Variants in ZYG11B observed in about 807,000 individuals in gnomAD.
ZYG11B encodes the protein protein zyg-11 homolog B.
ZYG11B carries 36 observed loss-of-function variants against 82.4 expected under a neutral mutation model. The ratio of observed to expected loss-of-function variants is 0.44; its 90% CI spans 0.33 to 0.58. The LOEUF is 0.58. Among genes scored for constraint, ZYG11B ranks in the 20% least tolerant of loss-of-function variants. The pLI, the probability that ZYG11B is intolerant of heterozygous loss-of-function variation, is 0.02. For missense variants in ZYG11B, 552 were observed against 895.6 expected (o/e 0.62, Z 4.90); for synonymous variants, 303 against 312.8 (o/e 0.97, Z 0.33).
rs950070339 is a variant in ZYG11B at position 52,824,972 on chromosome 1, A to G, written c.*3343A>G. ...GGTTGAACCACTCATTGTTCAAATCATTGGTGGGCTCCAATGTAAAATATC... is the reference window on the plus strand; with the variant it reads ...GGTTGAACCACTCATTGTTCAAATCGTTGGTGGGCTCCAATGTAAAATATC... On this transcript the variant is annotated 3_prime_UTR_variant, in exon 14 of 14. Transcript: ENST00000294353. 1.2e-4 allele frequency: 19 copies of G among 152,286 alleles called. No individual in the cohort carries two copies. Among genetic ancestry groups the G allele is most frequent in the African/African-American group, 4.6e-4 (19 of 41,566 alleles). The allele number at this position is 152,286 out of a possible 1,614,324, so 9.4% of individuals were successfully genotyped here.
At chr1:52,739,667 G>C (rs1360413968) in intron 1 of ZYG11B, among the ~76,000 whole-genome samples, 1 of 151,840 alleles carries the variant, frequency 6.6e-6, no homozygotes, top group African/African-American at 2.4e-5. Flanking sequence ...TGAAGCTCTG[G>C]CTGGAGTGCA....
At chr1:52,762,978 G>A (rs116724309) in intron 2 of ZYG11B, among the ~76,000 whole-genome samples, 2 of 114,370 alleles carry the variant, frequency 1.7e-5, no homozygotes, top group Non-Finnish European at 3.4e-5. Flanking sequence ...TGAGAGATTG[G>A]GGGGGGGGGG....
At chr1:52,759,359 AGTT>A (rs1644607250) in intron 2 of ZYG11B, among the ~76,000 whole-genome samples, 2 of 152,386 alleles carry the variant, frequency 1.3e-5, no homozygotes, top group Admixed American at 1.3e-4. Context: ...TAATAGTAGT[AGTT>A]AACATTTATT....
intron 8 of ZYG11B, among the ~76,000 whole-genome samples, chr1:52,797,609 C>T (rs935080287): frequency 2.8e-5 from 4 of 145,090 alleles, no homozygotes; most frequent in African/African-American, 7.7e-5. Flanking sequence ...CCCAGGTTCA[C>T]GCCATTCTCC....
chr1:52,746,210 C>G (rs374933270), intron 1 of ZYG11B, among the ~76,000 whole-genome samples: 9 of 152,210 alleles, frequency 5.9e-5, no homozygotes, highest in African/African-American at 2.2e-4. Context: ...CCTTGGCCCC[C>G]CAAAACGTTG....
At chr1:52,761,006 ACCTG>A (rs145930674) in intron 2 of ZYG11B, among the ~76,000 whole-genome samples, 248 of 152,164 alleles carry the variant, frequency 1.6e-3, no homozygotes, top group African/African-American at 5.8e-3. Context: ...CAAATGATGC[ACCTG>A]CCTTGGTCTC....
intron 2 of ZYG11B, among the ~76,000 whole-genome samples, chr1:52,764,195 C>T (rs1255004009): frequency 6.6e-6 from 1 of 152,130 alleles, no homozygotes; most frequent in Admixed American, 6.5e-5. Flanking sequence ...ACTATCTCGG[C>T]TCACTGCAAC....
Position 52,821,700 on chromosome 1 carries a change from C to T in ZYG11B, c.*71C>T. 1 of 1,431,472 alleles carries T rather than the reference C, an allele frequency of 7.0e-7. No individual in the cohort carries two copies. Among genetic ancestry groups the T allele is most frequent in the Non-Finnish European group, 9.5e-7 (1 of 1,053,614 alleles). The allele number at this position is 1,431,472 out of a possible 1,614,324, so 88.7% of individuals were successfully genotyped here. ...ATTGGTCCATTTGGAATATCTTACC[C>T]TCCCTGATGTTTTGGGGGTTTCTAT... On this transcript the variant is annotated 3_prime_UTR_variant, in exon 14 of 14. Coordinates refer to ENST00000294353, the MANE Select transcript of ZYG11B (RefSeq NM_024646.3).
Position 52,790,054 on chromosome 1 carries a change from G to T in ZYG11B, c.1321G>T (p.Val441Phe). The change falls in exon 6 of 14, where the codon GTT becomes TTT. Residue 441 changes from valine to phenylalanine, a missense_variant. Coordinates refer to ENST00000294353, the MANE Select transcript of ZYG11B (RefSeq NM_024646.3). ...TTGCAGTGACCGGATCCTTCAAGAT[G>T]TTCCATTTAACAGGCAAGTGATAGC... The part of the protein sequence containing the change: ...SLCSDRILQD[V>F]PFNRFEAAKL... 2 of 1,592,600 alleles carry T rather than the reference G, an allele frequency of 1.3e-6. No homozygotes were observed. Among genetic ancestry groups the T allele is most frequent in the Non-Finnish European group, 1.7e-6 (2 of 1,167,494 alleles).
chr1:52,748,728 T>C (rs1487360265), intron 1 of ZYG11B, among the ~76,000 whole-genome samples: 4 of 151,740 alleles, frequency 2.6e-5, no homozygotes, highest in African/African-American at 9.7e-5. Context: ...CTGGGCGTGG[T>C]GCACGCGCCT....
At chr1:52,739,703 C>G (rs2149920631) in intron 1 of ZYG11B, among the ~76,000 whole-genome samples, 1 of 152,164 alleles carries the variant, frequency 6.6e-6, no homozygotes, top group South Asian at 2.1e-4. Flanking sequence ...CTCACTACCA[C>G]CTCTGCCTCC....
intron 12 of ZYG11B, among the ~76,000 whole-genome samples, chr1:52,814,925 A>G (rs990221296): frequency 6.6e-6 from 1 of 152,180 alleles, no homozygotes; most frequent in African/African-American, 2.4e-5. Context: ...TGGGAGGCTG[A>G]GGTGGGTGGA....
At chr1:52,728,414 G>A (rs1189376641) in intron 1 of ZYG11B, among the ~76,000 whole-genome samples, 2 of 152,120 alleles carry the variant, frequency 1.3e-5, no homozygotes, top group Non-Finnish European at 2.9e-5. Context: ...GGACTACCGT[G>A]CCCCGCTAAT....
intron 4 of ZYG11B, 112 bp downstream of exon 4, chr1:52,780,105 GTGAT>G (rs1399035630): frequency 8.8e-6 from 9 of 1,028,368 alleles, no homozygotes; most frequent in African/African-American, 3.3e-5. Flanking sequence ...TATTTATAAT[GTGAT>G]TGATGACGTG....
At chr1:52,777,625 A>G (rs1216071855) in intron 3 of ZYG11B, among the ~76,000 whole-genome samples, 9 of 152,014 alleles carry the variant, frequency 5.9e-5, no homozygotes, top group Non-Finnish European at 1.5e-5. Flanking sequence ...TTTCTTTTAT[A>G]GAGACAGGGT....
Position 52,795,294 on chromosome 1 carries a change from C to T in ZYG11B, c.1335-998C>T, listed in dbSNP as rs528110741. Among the ~76,000 whole-genome samples, 15 of 152,314 alleles carry T rather than the reference C, an allele frequency of 9.8e-5. No homozygotes were observed. The East Asian group carries it at 2.3e-3, about 23-fold the overall frequency. On this transcript the variant is annotated intron_variant, in intron 6 of 13. Coordinates refer to ENST00000294353, the MANE Select transcript of ZYG11B (RefSeq NM_024646.3). ...TCACCCATGTAGGATGTGCCAGTCT[C>T]GCCTTCCACCATGATTGCAAGTTTC...
chr1:52,823,022 A>G lies in ZYG11B; in HGVS notation c.*1393A>G, dbSNP rs1645294733. ...AAAATTATAGTGATTATTCAGAAGC[A>G]TTTTAATTTAGAAAGGAGCTGGTTT... On this transcript the variant is annotated 3_prime_UTR_variant, in exon 14 of 14. Coordinates refer to ENST00000294353, the MANE Select transcript of ZYG11B (RefSeq NM_024646.3). 1 of 152,242 alleles carries G rather than the reference A, an allele frequency of 6.6e-6. No individual in the cohort carries two copies. The highest frequency in any genetic ancestry group is 6.5e-5 in the Admixed American group (1 of 15,276). 9.4% of individuals were successfully genotyped at this position (152,242 alleles called of 1,614,324 possible). A position where few individuals can be genotyped will look rare whatever the true frequency, so the allele number is the denominator to read the frequency against.
chr1:52,766,471 A>G (rs1026651799), intron 2 of ZYG11B, among the ~76,000 whole-genome samples: 1 of 151,316 alleles, frequency 6.6e-6, no homozygotes, highest in African/African-American at 2.4e-5. Flanking sequence ...TGGCTCCTTT[A>G]AAATCGTTGT....
chr1:52,801,435 C>A (rs1433659939), intron 8 of ZYG11B, among the ~76,000 whole-genome samples: 4 of 152,102 alleles, frequency 2.6e-5, no homozygotes, highest in Admixed American at 1.3e-4. Context: ...AACAGTACTA[C>A]AATATAGAAT....
Sources: allele counts gnomAD v4.1 joint callset (sites outside exome capture counted in the v4.1 genomes callset), GRCh38; gene constraint gnomAD v4.1.1; transcripts MANE v1.5; gene names NCBI Gene and HGNC (gene_info 2026-07-23, HGNC 2026-07-21).